The following COL24A1 variants were observed in gnomAD, a reference collection of about 807,000 sequenced individuals.
COL24A1 encodes the protein collagen type XXIV alpha 1 chain.
A neutral mutation model predicts 253.9 loss-of-function variants in COL24A1; 224 were observed. That is an observed-to-expected ratio of 0.88 (90% confidence interval 0.79 to 0.99). The LOEUF (loss-of-function observed/expected upper bound fraction) is 0.99. COL24A1 is among the 50% of genes least tolerant of loss of function. The pLI is 0.00. For missense variants in COL24A1, 2,131 were observed against 2,068.5 expected, an observed-to-expected ratio of 1.03 and a Z score of -0.59; for synonymous variants, 685 against 673.7, an observed-to-expected ratio of 1.02 and a Z score of -0.26.
At chr1:85,778,091 C>T (rs769364972) in intron 52 of COL24A1, among the ~76,000 whole-genome samples, 2 of 149,858 alleles carry the variant, frequency 1.3e-5, no homozygotes, top group African/African-American at 2.5e-5. Flanking sequence ...GATACATACA[C>T]GTATCCATAG....
intron 4 of COL24A1, among the ~76,000 whole-genome samples, chr1:86,113,222 T>A (rs1705788424): frequency 6.6e-6 from 1 of 152,182 alleles, no homozygotes; most frequent in Non-Finnish European, 1.5e-5. Context: ...TACTAATCCT[T>A]ATAACAATCC....
At chr1:85,968,950 C>T (rs1294719322) in intron 22 of COL24A1, among the ~76,000 whole-genome samples, 1 of 152,048 alleles carries the variant, frequency 6.6e-6, no homozygotes, top group Non-Finnish European at 1.5e-5. Context: ...ATCTTATTTT[C>T]ACATCTAAAA....
intron 3 of COL24A1, among the ~76,000 whole-genome samples, chr1:86,122,067 C>A (rs781089825): frequency 2.0e-5 from 3 of 152,018 alleles, no homozygotes; most frequent in Admixed American, 2.0e-4. Flanking sequence ...ACCATTCAGT[C>A]TCTCATTATC....
At chr1:85,929,892 A>G (rs1687646912) in intron 24 of COL24A1, among the ~76,000 whole-genome samples, 1 of 133,514 alleles carries the variant, frequency 7.5e-6, no homozygotes, top group African/African-American at 2.9e-5. Context: ...CAACGAGAAC[A>G]AAGACACCAC....
At chr1:85,826,172 G>T (rs313752) in intron 43 of COL24A1, among the ~76,000 whole-genome samples, 50,773 of 134,130 alleles carry the variant, frequency 0.38, 10,793 homozygotes, top group East Asian at 0.55. Flanking sequence ...CACCATTTAT[G>T]AAATAGGGAA....
At chr1:85,874,614 T>C (rs749790561) in intron 35 of COL24A1, 35 bp downstream of exon 35, 2 of 1,595,388 alleles carry the variant, frequency 1.3e-6, no homozygotes, top group African/African-American at 2.7e-5. Flanking sequence ...AAGAAGTGGG[T>C]TAGTGTATTA....
chr1:86,060,635 AT>A (rs1409722500), intron 8 of COL24A1, among the ~76,000 whole-genome samples: 2 of 151,762 alleles, frequency 1.3e-5, no homozygotes, highest in African/African-American at 4.8e-5. Context: ...CCTTCCCTTG[AT>A]CAAAATTAAC....
In COL24A1 at chr1:85,838,660, C is replaced by A. The variant is rs769304980; in HGVS notation, c.3628-22G>T. ...GACCCTACAGAGACCACACACAAAA[C>A]AATCAGTTTTACAGCTGGATCAAAG... On this transcript the variant is annotated intron_variant, in intron 42 of 59. Coordinates refer to ENST00000370571, the MANE Select transcript of COL24A1 (RefSeq NM_152890.7). 28 of 1,612,052 alleles carry A rather than the reference C, an allele frequency of 1.7e-5. No individual in the cohort carries two copies. The South Asian group carries it at 2.7e-4, about 16-fold the overall frequency.
intron 47 of COL24A1, among the ~76,000 whole-genome samples, chr1:85,806,654 AC>A (rs1312524784): frequency 3.4e-5 from 5 of 145,668 alleles, no homozygotes; most frequent in African/African-American, 1.2e-4. Flanking sequence ...CATGGGCCAT[AC>A]AAAAACAGGC....
At chr1:85,842,297 A>C (rs768991655) in intron 40 of COL24A1, 43 bp downstream of exon 40, 31 of 1,443,540 alleles carry the variant, frequency 2.1e-5, no homozygotes, top group Non-Finnish European at 3.0e-5. Flanking sequence ...CTTTAATAAA[A>C]ATGTTTTCAT....
chr1:85,733,866 C>G (rs1663768324), intron 59 of COL24A1, among the ~76,000 whole-genome samples: 2 of 150,898 alleles, frequency 1.3e-5, no homozygotes, highest in South Asian at 4.2e-4. Context: ...AGATGTGCCC[C>G]CACAGTGCCT....
intron 56 of COL24A1, among the ~76,000 whole-genome samples, chr1:85,745,137 T>C (rs1333706204): frequency 3.3e-5 from 5 of 152,044 alleles, no homozygotes; most frequent in Non-Finnish European, 7.4e-5. Context: ...TGATAATATA[T>C]ATATCTCATT....
chr1:85,983,230 T>C (rs545164021), intron 20 of COL24A1, among the ~76,000 whole-genome samples: 4 of 152,052 alleles, frequency 2.6e-5, no homozygotes, highest in Admixed American at 6.6e-5. Flanking sequence ...TACTGGAGAA[T>C]AGAGAATATT....
In COL24A1 at chr1:85,824,573, A is replaced by C. The variant is rs148814663; in HGVS notation, c.3682-835T>G. ...CTGAAGACTGGGAGCAGTTACTGGG[A>C]GGTATTACTATAATACCAAGAAACA... On this transcript the variant is annotated intron_variant, in intron 43 of 59. Coordinates refer to ENST00000370571, the MANE Select transcript of COL24A1 (RefSeq NM_152890.7). Among the ~76,000 whole-genome samples, 75 of 152,224 alleles carry C rather than the reference A, an allele frequency of 4.9e-4. 1 individual carries two copies. The highest frequency in any genetic ancestry group is 1.7e-3 in the African/African-American group (70 of 41,540).
intron 31 of COL24A1, among the ~76,000 whole-genome samples, chr1:85,890,739 T>C (rs1683035942): frequency 6.6e-6 from 1 of 152,198 alleles, no homozygotes; most frequent in Non-Finnish European, 1.5e-5. Flanking sequence ...GTTTCCTTTT[T>C]CCAAAAATAA....
rs138167674 is a variant in COL24A1, at chr1:86,026,317, T to A, written c.2050-3310A>T. Among the ~76,000 whole-genome samples the A allele has an allele frequency of 1.9e-3, 286 of 152,330 alleles. 1 individual carries two copies. The highest frequency in any genetic ancestry group is 6.8e-3 in the Middle Eastern group (2 of 294). On this transcript the variant is annotated intron_variant, in intron 14 of 59. Coordinates refer to ENST00000370571, the MANE Select transcript of COL24A1 (RefSeq NM_152890.7). ...CAAAGATGACTCTTACTATCTGATA[T>A]GGTTTGGGTGTGTCCCCACCCAAAA... is the stretch of plus-strand genomic sequence containing the variant.
intron 20 of COL24A1, among the ~76,000 whole-genome samples, chr1:85,980,288 G>A (rs1301430562): frequency 6.6e-6 from 1 of 152,184 alleles, no homozygotes; most frequent in African/African-American, 2.4e-5. Flanking sequence ...AGACAAGGAT[G>A]CCGACTTTCA....
intron 20 of COL24A1, among the ~76,000 whole-genome samples, chr1:85,974,182 G>A (rs114583597): frequency 4.1e-4 from 62 of 152,122 alleles, no homozygotes; most frequent in Non-Finnish European, 7.9e-4. Flanking sequence ...AGCAGATAGA[G>A]ACCACAAGAA....
chr1:86,020,106 C>T (rs139132063), intron 18 of COL24A1, among the ~76,000 whole-genome samples: 15 of 118,012 alleles, frequency 1.3e-4, no homozygotes, highest in African/African-American at 4.5e-4. Flanking sequence ...CTCACTCTGT[C>T]GCTCAAGCTG....
Sources: gnomAD v4.1 joint callset for allele counts (sites outside exome capture counted in the v4.1 genomes callset) on GRCh38, gnomAD v4.1.1 for gene constraint, MANE v1.5 for transcripts, NCBI Gene and HGNC (gene_info 2026-07-23, HGNC 2026-07-21) for gene names.